SRGAP1: variants seen among roughly 807,000 people sequenced by gnomAD.
SRGAP1 encodes SLIT-ROBO Rho GTPase-activating protein 1.
In SRGAP1, 43 loss-of-function variants were observed where a neutral mutation model predicts 121.9. The ratio of observed to expected loss-of-function variants is 0.35; its 90% CI spans 0.28 to 0.46. The LOEUF (loss-of-function observed/expected upper bound fraction) is 0.46, where lower values mean the gene tolerates loss of function less well. Ranked by LOEUF, SRGAP1 falls within the 20% of genes least tolerant of loss-of-function variation. The pLI is 1.00. For missense variants in SRGAP1, 1,102 were observed against 1,350.9 expected (o/e 0.82, Z 2.89); for synonymous variants, 447 against 485.4 (o/e 0.92, Z 1.04).
At chr12:63,860,506 C>T (rs776005381) in intron 1 of SRGAP1, among the ~76,000 whole-genome samples, 1 of 152,108 alleles carries the variant, frequency 6.6e-6, no homozygotes, top group Non-Finnish European at 1.5e-5. Context: ...TCTGCAAAGT[C>T]ATCTGGGTCT....
chr12:63,989,410 A>G (rs532467547), intron 2 of SRGAP1, among the ~76,000 whole-genome samples: 1 of 152,302 alleles, frequency 6.6e-6, no homozygotes, highest in Non-Finnish European at 1.5e-5. Context: ...GAGGTTATGT[A>G]TCAGGGGATT....
At chr12:63,907,665 A>G (rs1034220455) in intron 1 of SRGAP1, among the ~76,000 whole-genome samples, 1 of 152,208 alleles carries the variant, frequency 6.6e-6, no homozygotes, top group Non-Finnish European at 1.5e-5. Flanking sequence ...ATGTTCTGTC[A>G]TCCCGTGTGT....
rs577305324 is a variant in SRGAP1 at position 64,143,753 on chromosome 12, G to A, written c.*1081G>A. Reference sequence around the variant, plus strand: ...GGCCTAGTAGTTCGAGTCCAGCCTGGGCAGCATAGTGTGAGACCCTGTCTC... The same window carrying A: ...GGCCTAGTAGTTCGAGTCCAGCCTGAGCAGCATAGTGTGAGACCCTGTCTC... On this transcript the variant is annotated 3_prime_UTR_variant, in exon 22 of 22. Transcript: ENST00000355086. 6.6e-6 allele frequency: 1 copy of A among 152,124 alleles called. No homozygotes were observed. The highest frequency in any genetic ancestry group is 2.1e-4 in the South Asian group (1 of 4,798). 9.4% of individuals were successfully genotyped at this position (152,124 alleles called of 1,614,324 possible).
rs2032041227 is a variant in SRGAP1 at position 63,946,227 on chromosome 12, T to C, written c.68-37720T>C. Among the ~76,000 whole-genome samples the C allele has an allele frequency of 2.0e-5, 3 of 152,104 alleles. No individual in the cohort carries two copies. In the South Asian group the frequency reaches 6.2e-4, roughly 31 times the overall value. On this transcript the variant is annotated intron_variant, in intron 1 of 21. Transcript: ENST00000355086. ...TTTTGTATTCTCCTTTATGTTACCATTGTCACCATCCTAATTTTGGCCTTA... is the reference window on the plus strand; with the variant it reads ...TTTTGTATTCTCCTTTATGTTACCACTGTCACCATCCTAATTTTGGCCTTA...
At chr12:63,935,455 T>G (rs74099387) in intron 1 of SRGAP1, among the ~76,000 whole-genome samples, 2,820 of 152,306 alleles carry the variant, frequency 0.019, 81 homozygotes, top group African/African-American at 0.061. Flanking sequence ...AATTTATCTT[T>G]TATGAAGTGA....
intron 1 of SRGAP1, chr12:63,872,174 C>T: frequency 3.1e-6 from 1 of 325,988 alleles, no homozygotes; most frequent in Non-Finnish European, 5.7e-6. Context: ...TTCATGAGAG[C>T]ACCTGTTTGA....
At chr12:63,954,523 A>C (rs1420249625) in intron 1 of SRGAP1, among the ~76,000 whole-genome samples, 1 of 151,908 alleles carries the variant, frequency 6.6e-6, no homozygotes, top group East Asian at 1.9e-4. Flanking sequence ...CTAAAAATAC[A>C]AAAAATTAGT....
At chr12:64,141,576 T>C (rs1417034065) in intron 21 of SRGAP1, among the ~76,000 whole-genome samples, 1 of 152,052 alleles carries the variant, frequency 6.6e-6, no homozygotes, top group African/African-American at 2.4e-5. Context: ...CAAGACTGCA[T>C]CTTGGGGGGG....
At chr12:64,000,855 C>T (rs2033871705) in intron 3 of SRGAP1, among the ~76,000 whole-genome samples, 1 of 151,996 alleles carries the variant, frequency 6.6e-6, no homozygotes, top group Non-Finnish European at 1.5e-5. Context: ...GTGATAACAT[C>T]TCATAAGCAA....
intron 4 of SRGAP1, among the ~76,000 whole-genome samples, chr12:64,018,928 G>A (rs1399424969): frequency 6.6e-6 from 1 of 152,150 alleles, no homozygotes; most frequent in African/African-American, 2.4e-5. Context: ...CAGAAATTCT[G>A]TGTCGTCTTC....
chr12:64,084,275 T>A (rs199641839), intron 10 of SRGAP1, among the ~76,000 whole-genome samples: 1 of 119,430 alleles, frequency 8.4e-6, no homozygotes, highest in Non-Finnish European at 1.8e-5. Flanking sequence ...AAAAAAATGT[T>A]TGAACCAAGA....
rs750351170 is a variant in SRGAP1 at position 64,150,934 on chromosome 12, C to CAAA, written c.*8286_*8288dup. 4.9e-4 allele frequency: 12 copies of CAAA among 24,716 alleles called. 1 individual carries two copies. Among genetic ancestry groups the CAAA allele is most frequent in the African/African-American group, 6.2e-4 (7 of 11,220 alleles). The allele number at this position is 24,716 out of a possible 1,614,324, so 1.5% of individuals were successfully genotyped here. A position where few individuals can be genotyped will look rare whatever the true frequency, so the allele number is the denominator to read the frequency against. On this transcript the variant is annotated 3_prime_UTR_variant, in exon 22 of 22. Transcript: ENST00000355086. Reference sequence around the variant, plus strand: ...TGGGTGGAAGAGTGAGAAGCTATCTCAAAAAAAAAAAAAAAAAAAAAAAAA... The same window carrying CAAA: ...TGGGTGGAAGAGTGAGAAGCTATCTCAAAAAAAAAAAAAAAAAAAAAAAAAAAA...
intron 4 of SRGAP1, among the ~76,000 whole-genome samples, chr12:64,030,194 A>G (rs879872789): frequency 5.3e-5 from 8 of 152,220 alleles, no homozygotes; most frequent in Non-Finnish European, 8.8e-5. Flanking sequence ...AGAAGAAAAC[A>G]TAATTGGATT....
chr12:64,104,341 C>T (rs2036305510), intron 15 of SRGAP1, among the ~76,000 whole-genome samples: 1 of 152,168 alleles, frequency 6.6e-6, no homozygotes, highest in South Asian at 2.1e-4. Flanking sequence ...ATGAATGCCA[C>T]TTTTACCTAA....
intron 1 of SRGAP1, among the ~76,000 whole-genome samples, chr12:63,942,756 G>A (rs769763052): frequency 2.6e-5 from 4 of 151,990 alleles, no homozygotes; most frequent in South Asian, 2.1e-4. Context: ...CCTTCCATCC[G>A]TTTCTTCTCC....
intron 1 of SRGAP1, chr12:63,982,525 C>G (rs1480261030): frequency 6.6e-6 from 1 of 152,176 alleles, no homozygotes; most frequent in Non-Finnish European, 1.5e-5. Flanking sequence ...TTGCTGTGAA[C>G]TTGCTGTTAA....
At chr12:63,967,428 C>T (rs2032820336) in intron 1 of SRGAP1, among the ~76,000 whole-genome samples, 1 of 152,152 alleles carries the variant, frequency 6.6e-6, no homozygotes, top group African/African-American at 2.4e-5. Context: ...GGTGACAGAG[C>T]GAGACCCTGT....
chr12:64,107,733 A>G (rs1437285743), intron 15 of SRGAP1, among the ~76,000 whole-genome samples: 1 of 152,230 alleles, frequency 6.6e-6, no homozygotes, highest in Non-Finnish European at 1.5e-5. Flanking sequence ...TTTCATGAAT[A>G]TCTCAAGCAA....
chr12:63,915,956 T>C (rs984684359), intron 1 of SRGAP1, among the ~76,000 whole-genome samples: 1 of 152,012 alleles, frequency 6.6e-6, no homozygotes, highest in African/African-American at 2.4e-5. Flanking sequence ...GTTATTGTTT[T>C]ACTGAAAAAG....
Sources: allele counts gnomAD v4.1 joint callset (sites outside exome capture counted in the v4.1 genomes callset), GRCh38; gene constraint gnomAD v4.1.1; transcripts MANE v1.5; gene names NCBI Gene and HGNC (gene_info 2026-07-23, HGNC 2026-07-21).